The following CSMD2 variants were observed in gnomAD, a reference collection of about 807,000 sequenced individuals.
CSMD2 encodes CUB and Sushi multiple domains 2.
Under a neutral mutation model 398.5 loss-of-function variants are expected in CSMD2, and 130 were observed. The ratio of observed to expected loss-of-function variants is 0.33; its 90% CI spans 0.28 to 0.38. The LOEUF (loss-of-function observed/expected upper bound fraction) is 0.38, where lower values mean the gene tolerates loss of function less well. Ranked by LOEUF, CSMD2 falls within the 10% of genes least tolerant of loss-of-function variation. The pLI is 1.00. For missense variants in CSMD2, 3,829 were observed against 4,764.9 expected (o/e 0.80, Z 5.78); for synonymous variants, 1,828 against 1,908.5 (o/e 0.96, Z 1.10).
At chr1:33,928,718 T>A (rs1439299165) in intron 4 of CSMD2, among the ~76,000 whole-genome samples, 15 of 152,178 alleles carry the variant, frequency 9.9e-5, no homozygotes, top group Admixed American at 9.2e-4. Flanking sequence ...CCAGTAGCAG[T>A]AGAGTTACCC....
At chr1:33,760,504 T>C (rs921325916) in intron 13 of CSMD2, among the ~76,000 whole-genome samples, 6 of 152,220 alleles carry the variant, frequency 3.9e-5, no homozygotes, top group Admixed American at 1.3e-4. Flanking sequence ...CAAGCCACCA[T>C]GCCAAAGTTG....
intron 64 of CSMD2, among the ~76,000 whole-genome samples, chr1:33,529,101 AT>A (rs1217014160): frequency 1.3e-5 from 2 of 152,254 alleles, no homozygotes; most frequent in Non-Finnish European, 2.9e-5. Context: ...AAGTTGGATA[AT>A]TGATACGTCC....
At chr1:34,076,929 ATATATATAT>A (rs1219727702) in intron 2 of CSMD2, among the ~76,000 whole-genome samples, 18 of 47,334 alleles carry the variant, frequency 3.8e-4, no homozygotes, top group African/African-American at 1.7e-3. Flanking sequence ...AAAAAAAAAA[ATATATATAT>A]ATATATATAT....
chr1:33,630,884 C>G (rs1213318733), intron 32 of CSMD2, among the ~76,000 whole-genome samples: 2 of 152,000 alleles, frequency 1.3e-5, no homozygotes, highest in African/African-American at 2.4e-5. Flanking sequence ...TAGTACATAT[C>G]AAAATTTATG....
intron 19 of CSMD2, among the ~76,000 whole-genome samples, chr1:33,718,034 T>C (rs1646230038): frequency 6.6e-6 from 1 of 152,176 alleles, no homozygotes. Context: ...CCAGGAACCC[T>C]GTGGCGTGGG....
At chr1:33,832,813 G>A (rs1279210911) in intron 6 of CSMD2, among the ~76,000 whole-genome samples, 1 of 151,992 alleles carries the variant, frequency 6.6e-6, no homozygotes, top group Admixed American at 6.6e-5. Context: ...AAATGATAAA[G>A]GGGATATCAC....
At chr1:34,041,149 T>C (rs898806461) in intron 2 of CSMD2, among the ~76,000 whole-genome samples, 1 of 152,108 alleles carries the variant, frequency 6.6e-6, no homozygotes, top group Non-Finnish European at 1.5e-5. Context: ...GGGCCATTTA[T>C]TTATTTATTT....
intron 29 of CSMD2, among the ~76,000 whole-genome samples, chr1:33,641,655 GC>G (rs1643113665): frequency 6.6e-6 from 1 of 152,200 alleles, no homozygotes; most frequent in Admixed American, 6.5e-5. Context: ...TAGAAAGTCT[GC>G]CCAGAGATGA....
intron 25 of CSMD2, among the ~76,000 whole-genome samples, chr1:33,680,918 CTTTTTTT>C (rs66489770): frequency 5.3e-5 from 4 of 75,932 alleles, no homozygotes; most frequent in South Asian, 6.2e-4. Flanking sequence ...CTGTTTTATG[CTTTTTTT>C]TTTTTTTTTT....
At chr1:33,759,331 T>C (rs576313278) in intron 13 of CSMD2, among the ~76,000 whole-genome samples, 207 of 140,302 alleles carry the variant, frequency 1.5e-3, no homozygotes, top group Middle Eastern at 7.1e-3. Context: ...TTTCTTTTTT[T>C]TTTTTTTTTT....
chr1:34,018,463 T>C (rs1239097910), intron 3 of CSMD2, among the ~76,000 whole-genome samples: 3 of 152,220 alleles, frequency 2.0e-5, no homozygotes, highest in Non-Finnish European at 2.9e-5. Flanking sequence ...TCTTGATACA[T>C]ACTGTCAAGC....
chr1:33,975,749 C>T (rs559161780), intron 3 of CSMD2, among the ~76,000 whole-genome samples: 30 of 152,290 alleles, frequency 2.0e-4, no homozygotes, highest in African/African-American at 6.0e-4. Flanking sequence ...TCCACTGACG[C>T]TCCAGTGGCC....
intron 56 of CSMD2, among the ~76,000 whole-genome samples, chr1:33,548,894 T>C (rs911248457): frequency 1.3e-5 from 2 of 152,210 alleles, no homozygotes; most frequent in African/African-American, 2.4e-5. Flanking sequence ...GCACAGTTAA[T>C]AGGCCTTCCT....
At chr1:33,922,350 A>T (rs2125295550) in intron 4 of CSMD2, among the ~76,000 whole-genome samples, 1 of 152,264 alleles carries the variant, frequency 6.6e-6, no homozygotes, top group East Asian at 1.9e-4. Flanking sequence ...GCAGGGGCCA[A>T]AGAGAAACAT....
chr1:34,022,436 C>G, intron 3 of CSMD2, among the ~76,000 whole-genome samples: 1 of 152,296 alleles, frequency 6.6e-6, no homozygotes. Context: ...TGAGCTCTGA[C>G]TTCAGTGCTC....
At chr1:34,157,217 T>A (rs556114384) in intron 1 of CSMD2, among the ~76,000 whole-genome samples, 5 of 152,302 alleles carry the variant, frequency 3.3e-5, no homozygotes, top group African/African-American at 1.2e-4. Context: ...GGAGACTTTA[T>A]GTCTGCTGGA....
intron 44 of CSMD2, among the ~76,000 whole-genome samples, chr1:33,598,035 T>G (rs994429116): frequency 6.6e-6 from 1 of 152,108 alleles, no homozygotes; most frequent in Non-Finnish European, 1.5e-5. Flanking sequence ...AACAACATAT[T>G]TTTGGAGACT....
At chr1:33,925,573 C>A (rs1644099380) in intron 4 of CSMD2, among the ~76,000 whole-genome samples, 1 of 151,956 alleles carries the variant, frequency 6.6e-6, no homozygotes, top group Non-Finnish European at 1.5e-5. Flanking sequence ...TTTTCTATTT[C>A]TGTGAAAAAT....
rs1642721360 is a variant in CSMD2, at chr1:33,635,155, T to C, written c.5086+59A>G. The C allele has an allele frequency of 9.3e-7, 1 of 1,075,172 alleles. No individual in the cohort carries two copies. Among genetic ancestry groups the C allele is most frequent in the African/African-American group, 1.6e-5 (1 of 64,120 alleles). 66.6% of individuals were successfully genotyped at this position (1,075,172 alleles called of 1,614,324 possible). On this transcript the variant is annotated intron_variant, in intron 31 of 70. Transcript: ENST00000373381. This position sits in a 1 kb window ranked among gnomAD's most constrained non-coding sequence, Gnocchi z 5.0. Reference sequence around the variant, plus strand: ...TGGGAGGCGTCTGAGGAATTGCTCATTTTGGAATGAGGGTGAGGAGTCAGA... The same window carrying C: ...TGGGAGGCGTCTGAGGAATTGCTCACTTTGGAATGAGGGTGAGGAGTCAGA...
Sources: allele counts gnomAD v4.1 joint callset (sites outside exome capture counted in the v4.1 genomes callset), GRCh38; gene constraint gnomAD v4.1.1; non-coding constraint Gnocchi (gnomAD v3.1); transcripts MANE v1.5; gene names NCBI Gene and HGNC (gene_info 2026-07-23, HGNC 2026-07-21).